Variants in BRIP1 observed in about 807,000 individuals in gnomAD.
BRIP1 encodes the protein BRCA1 interacting DNA helicase 1, also known as Fanconi anemia group J protein.
A neutral mutation model predicts 119.7 loss-of-function variants in BRIP1; 88 were observed. The ratio of observed to expected loss-of-function variants is 0.74; its 90% CI spans 0.62 to 0.88. The LOEUF is 0.88. Among genes scored for constraint, BRIP1 ranks in the 40% least tolerant of loss-of-function variants. The pLI, the probability that BRIP1 is intolerant of heterozygous loss-of-function variation, is 0.00. For missense variants in BRIP1, 1,259 were observed against 1,455.4 expected, an observed-to-expected ratio of 0.87 and a Z score of 2.20; for synonymous variants, 443 against 496.5, an observed-to-expected ratio of 0.89 and a Z score of 1.43.
chr17:61,808,391 A>C lies in BRIP1; in HGVS notation c.918+76T>G. ...CCGAAGTTGATTATCACTAAAATGT[A>C]CATATAAAACACATACTGAGTAATT... is the stretch of plus-strand genomic sequence containing the variant. On this transcript the variant is annotated intron_variant, in intron 7 of 19. Transcript: ENST00000259008. The surrounding 1 kb of genome is among the most constrained non-coding windows in gnomAD (Gnocchi z 4.1). The C allele has an allele frequency of 7.0e-7, 1 of 1,424,922 alleles. No homozygotes were observed. The highest frequency in any genetic ancestry group is 1.2e-5 in the South Asian group (1 of 85,768). The allele number at this position is 1,424,922 out of a possible 1,614,324, so 88.3% of individuals were successfully genotyped here.
rs2077014820 is a variant in BRIP1, at chr17:61,743,528, C to A, written c.2258-394G>T. On this transcript the variant is annotated intron_variant, in intron 15 of 19. Coordinates refer to ENST00000259008, the MANE Select transcript of BRIP1 (RefSeq NM_032043.3). The surrounding 1 kb of genome is among the most constrained non-coding windows in gnomAD (Gnocchi z 4.3). ...ATTGAAATAATTGTAATTGATAATA[C>A]ATATCATATGGAATCAATATATTTA... Among the ~76,000 whole-genome samples, 1 of 152,020 alleles carries A rather than the reference C, an allele frequency of 6.6e-6. No homozygotes were observed. Among genetic ancestry groups the A allele is most frequent in the African/African-American group, 2.4e-5 (1 of 41,378 alleles).
In BRIP1 at chr17:61,761,622, A is replaced by G. The variant is rs1464609416; in HGVS notation, c.2097+14779T>C. Among the ~76,000 whole-genome samples, 1 of 151,976 alleles carries G rather than the reference A, an allele frequency of 6.6e-6. No homozygotes were observed. Among genetic ancestry groups the G allele is most frequent in the African/African-American group, 2.4e-5 (1 of 41,436 alleles). On this transcript the variant is annotated intron_variant, in intron 14 of 19. Coordinates refer to ENST00000259008, the MANE Select transcript of BRIP1 (RefSeq NM_032043.3). The surrounding 1 kb of genome is among the most constrained non-coding windows in gnomAD (Gnocchi z 6.4). ...AGTAGCATTTCTATATACTAATAACAGACTATCCAAAAAAGAAATTAAGAG... is the reference window on the plus strand; with the variant it reads ...AGTAGCATTTCTATATACTAATAACGGACTATCCAAAAAAGAAATTAAGAG...
chr17:61,774,633 C>T lies in BRIP1; in HGVS notation c.2097+1768G>A, dbSNP rs1009156317. Among the ~76,000 whole-genome samples, 1 of 151,898 alleles carries T rather than the reference C, an allele frequency of 6.6e-6. No homozygotes were observed. Among genetic ancestry groups the T allele is most frequent in the African/African-American group, 2.4e-5 (1 of 41,348 alleles). ...AATAAATGTTTACTGTTTTAAGCCA[C>T]AAAAAAATTAAACAAAAACCTGCAG... On this transcript the variant is annotated intron_variant, in intron 14 of 19. Coordinates refer to ENST00000259008, the MANE Select transcript of BRIP1 (RefSeq NM_032043.3). The surrounding 1 kb of genome is among the most constrained non-coding windows in gnomAD (Gnocchi z 5.8).
chr17:61,739,771 A>C lies in BRIP1; in HGVS notation c.2379+3242T>G, dbSNP rs928948123. 2.6e-5 allele frequency among the ~76,000 whole-genome samples: 4 copies of C among 152,174 alleles called. No individual in the cohort carries two copies. Among genetic ancestry groups the C allele is most frequent in the Middle Eastern group, 3.2e-3 (1 of 316 alleles). The stretch of plus-strand genomic sequence containing the variant: ...TCAATAAGTCAGCTCAGTGGTCAGA[A>C]AATCTCAAATTTTCTCAGATTGCCA... On this transcript the variant is annotated intron_variant, in intron 16 of 19. Transcript: ENST00000259008. The surrounding 1 kb of genome is among the most constrained non-coding windows in gnomAD (Gnocchi z 6.0).
intron 17 of BRIP1, among the ~76,000 whole-genome samples, chr17:61,707,616 C>T (rs2061710353): frequency 6.6e-6 from 1 of 152,066 alleles, no homozygotes; most frequent in Non-Finnish European, 1.5e-5. Context: ...TTTTATCTTC[C>T]AAGCCCTATT....
chr17:61,691,420 T>A lies in BRIP1; in HGVS notation c.2575+2010A>T, dbSNP rs1472847276. On this transcript the variant is annotated intron_variant, in intron 18 of 19. Transcript: ENST00000259008. The surrounding 1 kb of genome is among the most constrained non-coding windows in gnomAD (Gnocchi z 5.0). ...TGGAAAGATATCCCATGTTCACAGA[T>A]TGGAACACCTAATATTGTCAGAATG... Among the ~76,000 whole-genome samples, 1 of 152,132 alleles carries A rather than the reference T, an allele frequency of 6.6e-6. No homozygotes were observed. The highest frequency in any genetic ancestry group is 1.5e-5 in the Non-Finnish European group (1 of 68,018).
intron 13 of BRIP1, among the ~76,000 whole-genome samples, chr17:61,777,660 C>T (rs928121830): frequency 3.9e-5 from 6 of 152,146 alleles, no homozygotes; most frequent in Admixed American, 1.3e-4. Flanking sequence ...ACAAAGGATA[C>T]AGATAAAGAG....
rs2144049828 is a variant in BRIP1, at chr17:61,680,740, A to G, written c.*2556T>C. Among the ~76,000 whole-genome samples the G allele has an allele frequency of 6.6e-6, 1 of 152,224 alleles. No individual in the cohort carries two copies. Among genetic ancestry groups the G allele is most frequent in the Non-Finnish European group, 1.5e-5 (1 of 68,014 alleles). ...GTGATCCGCCCGCCTCGGCCTCCCAAAGTGCTGGGATTACAGGCGTGAGCC... is the reference window on the plus strand; with the variant it reads ...GTGATCCGCCCGCCTCGGCCTCCCAGAGTGCTGGGATTACAGGCGTGAGCC... On this transcript the variant is annotated 3_prime_UTR_variant, in exon 20 of 20. Coordinates refer to ENST00000259008, the MANE Select transcript of BRIP1 (RefSeq NM_032043.3).
rs532172501 is a variant in BRIP1, at chr17:61,734,262, T to C, written c.2379+8751A>G. Among the ~76,000 whole-genome samples, 18 of 152,208 alleles carry C rather than the reference T, an allele frequency of 1.2e-4. No homozygotes were observed. Among genetic ancestry groups the C allele is most frequent in the Non-Finnish European group, 2.5e-4 (17 of 68,032 alleles). On this transcript the variant is annotated intron_variant, in intron 16 of 19. Transcript: ENST00000259008. This position sits in a 1 kb window ranked among gnomAD's most constrained non-coding sequence, Gnocchi z 5.2. ...CATTAAAAAGGCAGCCTTGTTATAC[T>C]GTGATTTAATTACATGAAAAAGAAA...
chr17:61,746,444 A>G lies in BRIP1; in HGVS notation c.2098-1853T>C, dbSNP rs987493137. 6.6e-6 allele frequency among the ~76,000 whole-genome samples: 1 copy of G among 152,104 alleles called. No individual in the cohort carries two copies. The highest frequency in any genetic ancestry group is 2.4e-5 in the African/African-American group (1 of 41,430). ...TAGATAAAAACGCTGTCTGCAAGTG[A>G]CTCACTTTAAATTTAAGGATACCCA... On this transcript the variant is annotated intron_variant, in intron 14 of 19. Transcript: ENST00000259008. The surrounding 1 kb of genome is among the most constrained non-coding windows in gnomAD (Gnocchi z 4.9).
In BRIP1 at chr17:61,793,852, G is replaced by A. The variant is rs1387505531; in HGVS notation, c.1341-123C>T. ...GTATATCTTGACATTCTTAGGACAT[G>A]AATGTGGATTAATTAAGACACCTTT... On this transcript the variant is annotated intron_variant, in intron 9 of 19. Coordinates refer to ENST00000259008, the MANE Select transcript of BRIP1 (RefSeq NM_032043.3). This position sits in a 1 kb window ranked among gnomAD's most constrained non-coding sequence, Gnocchi z 5.2. 10 of 989,096 alleles carry A rather than the reference G, an allele frequency of 1.0e-5. No homozygotes were observed. Among genetic ancestry groups the A allele is most frequent in the Admixed American group, 9.7e-5 (3 of 31,036 alleles). 61.3% of individuals were successfully genotyped at this position (989,096 alleles called of 1,614,324 possible).
rs2145026274 is a variant in BRIP1, at chr17:61,776,416, G to A, written c.2082C>T (p.Phe694=). The A allele has an allele frequency of 6.2e-7, 1 of 1,614,130 alleles. No individual in the cohort carries two copies. The highest frequency in any genetic ancestry group is 1.1e-5 in the South Asian group (1 of 91,084). ...ATTCCCTTACCTTGTAAGATGGCAA[G>A]AAACACAAAATTCCTTGGCTCACAG... ...CQTVSQGILC[F]LPSYKLLEKL... Residue 694 remains phenylalanine (F), a synonymous_variant, in exon 14 of 20, where the codon TTC becomes TTT. Transcript: ENST00000259008. The surrounding 1 kb of genome is among the most constrained non-coding windows in gnomAD (Gnocchi z 5.0).
rs59441826 is a variant in BRIP1 at position 61,759,005 on chromosome 17, C to CATAAATAAATAA, written c.2098-14426_2098-14415dup. The stretch of plus-strand genomic sequence containing the variant: ...CCTGGGTGACAGAGCAAGACCCTGT[C>CATAAATAAATAA]ATAAATAAATAAATAAATAAATAAA... On this transcript the variant is annotated intron_variant, in intron 14 of 19. Transcript: ENST00000259008. This position sits in a 1 kb window ranked among gnomAD's most constrained non-coding sequence, Gnocchi z 4.9. Among the ~76,000 whole-genome samples, 38,832 of 136,622 alleles carry CATAAATAAATAA rather than the reference C, an allele frequency of 0.28. 5,972 individuals are homozygous for CATAAATAAATAA. Among genetic ancestry groups the CATAAATAAATAA allele is most frequent in the Non-Finnish European group, 0.33 (21,134 of 63,994 alleles). 89.6% of individuals were successfully genotyped at this position (136,622 alleles called of 152,430 possible). A position where few individuals can be genotyped will look rare whatever the true frequency, so the allele number is the denominator to read the frequency against.
At position 61,861,748 on chromosome 17, in the gene BRIP1, G is replaced by C. The variant is rs1180577770; in HGVS notation, c.-30-179C>G. 6.6e-6 allele frequency among the ~76,000 whole-genome samples: 1 copy of C among 152,192 alleles called. No homozygotes were observed. Among genetic ancestry groups the C allele is most frequent in the African/African-American group, 2.4e-5 (1 of 41,440 alleles). On this transcript the variant is annotated intron_variant, in intron 1 of 19. Coordinates refer to ENST00000259008, the MANE Select transcript of BRIP1 (RefSeq NM_032043.3). This position sits in a 1 kb window ranked among gnomAD's most constrained non-coding sequence, Gnocchi z 4.5. ...TCACAGCGGTCAAGAGCATGTCTTA[G>C]AGTCTAACAAATCTAGATTTGTATC...
Position 61,743,134 on chromosome 17 carries a change from T to C in BRIP1, c.2258A>G (p.Asp753Gly), listed in dbSNP as rs745578572. ...ACAAACTGCTACCAGGAGAGCTCCA[T>C]CTTAAACAACAGAAAAAAGCATATC... ...YDAIKYKGEK[D>G]GALLVAVCRG... is the part of the protein sequence containing the mutation. Residue 753 changes from aspartate to glycine, a missense_variant and splice_region_variant, in exon 16 of 20, where the codon GAT (aspartate) becomes GGT (glycine). Around this residue, in one of 3 missense-constraint regions of BRIP1, gnomAD observed 753 missense variants for 891.8 expected, o/e 0.84. Transcript: ENST00000259008. The surrounding 1 kb of genome is among the most constrained non-coding windows in gnomAD (Gnocchi z 4.3). 17 of 1,613,988 alleles carry C rather than the reference T, an allele frequency of 1.1e-5. No homozygotes were observed. In the East Asian group the frequency reaches 3.8e-4, roughly 36 times the overall value.
chr17:61,824,202 A>G lies in BRIP1; in HGVS notation c.628-15445T>C, dbSNP rs1476481382. 6.6e-6 allele frequency among the ~76,000 whole-genome samples: 1 copy of G among 152,242 alleles called. No homozygotes were observed. Among genetic ancestry groups the G allele is most frequent in the East Asian group, 1.9e-4 (1 of 5,204 alleles). ...GGCAGAATATCTTTTAAGTGCTGAA[A>G]GAAAGAAAATGTGAACCTAAACTTC... On this transcript the variant is annotated intron_variant, in intron 6 of 19. Transcript: ENST00000259008. The surrounding 1 kb of genome is among the most constrained non-coding windows in gnomAD (Gnocchi z 4.3).
chr17:61,753,035 A>C lies in BRIP1; in HGVS notation c.2098-8444T>G, dbSNP rs2077152605. On this transcript the variant is annotated intron_variant, in intron 14 of 19. Transcript: ENST00000259008. This position sits in a 1 kb window ranked among gnomAD's most constrained non-coding sequence, Gnocchi z 4.6. ...ACAGGGTAACAAGAGTGCTGCCCTC[A>C]TGAATGGATTTGTCCAGTCATGTAT... Among the ~76,000 whole-genome samples the C allele has an allele frequency of 6.6e-6, 1 of 152,146 alleles. No homozygotes were observed. Among genetic ancestry groups the C allele is most frequent in the African/African-American group, 2.4e-5 (1 of 41,422 alleles).
intron 14 of BRIP1, among the ~76,000 whole-genome samples, chr17:61,772,158 TA>T (rs1447445474): frequency 0.033 from 13 of 398 alleles, no homozygotes; most frequent in Non-Finnish European, 0.068. Flanking sequence ...AATGTGAGAT[TA>T]TATATATATA....
intron 16 of BRIP1, among the ~76,000 whole-genome samples, chr17:61,741,027 G>C (rs1247832351): frequency 6.6e-6 from 1 of 152,008 alleles, no homozygotes; most frequent in Non-Finnish European, 1.5e-5. Context: ...TCAAAATTGG[G>C]GTCAAGCCTC....
Sources: allele counts gnomAD v4.1 joint callset (sites outside exome capture counted in the v4.1 genomes callset), GRCh38; gene constraint gnomAD v4.1.1; regional missense constraint gnomAD v4.1.1; non-coding constraint Gnocchi (gnomAD v3.1); transcripts MANE v1.5; gene names NCBI Gene and HGNC (gene_info 2026-07-23, HGNC 2026-07-21).